NEO1: variants seen among roughly 807,000 people sequenced by gnomAD.
NEO1 encodes the protein neogenin 1.
NEO1 carries 63 observed loss-of-function variants against 159.7 expected under a neutral mutation model. The ratio of observed to expected loss-of-function variants is 0.39; its 90% confidence interval spans 0.32 to 0.49. NEO1 has a LOEUF of 0.49. Ranked by LOEUF, NEO1 falls within the 20% of genes least tolerant of loss-of-function variation. NEO1 has a pLI of 0.85. For synonymous variants in NEO1, 633 were observed against 662.0 expected, an observed-to-expected ratio of 0.96 and a Z score of 0.67; for missense variants, 1,615 against 1,831.0, an observed-to-expected ratio of 0.88 and a Z score of 2.15.
chr15:73,213,284 A>G (rs1167989621), intron 7 of NEO1, among the ~76,000 whole-genome samples: 1 of 151,462 alleles, frequency 6.6e-6, no homozygotes, highest in Non-Finnish European at 1.5e-5. Flanking sequence ...ATTTATTTTC[A>G]TTTTTCCGTA....
intron 7 of NEO1, among the ~76,000 whole-genome samples, chr15:73,215,294 G>A (rs1194934679): frequency 6.6e-6 from 1 of 151,824 alleles, no homozygotes. Context: ...GATTTCTCTG[G>A]CTAGGACTTT....
intron 7 of NEO1, among the ~76,000 whole-genome samples, chr15:73,207,788 A>G (rs959933594): frequency 2.0e-5 from 3 of 152,108 alleles, no homozygotes; most frequent in African/African-American, 7.2e-5. Context: ...TAACTTCTTT[A>G]ATTTATAAAT....
At chr15:73,128,196 C>G (rs2151696345) in intron 4 of NEO1, among the ~76,000 whole-genome samples, 1 of 151,946 alleles carries the variant, frequency 6.6e-6, no homozygotes, top group South Asian at 2.1e-4. Context: ...TTCCACTCCT[C>G]TTTCCAGCTA....
intron 1 of NEO1, among the ~76,000 whole-genome samples, chr15:73,098,983 T>C (rs953874287): frequency 3.3e-5 from 5 of 152,184 alleles, no homozygotes; most frequent in Non-Finnish European, 7.4e-5. Flanking sequence ...TTTCTTTTAT[T>C]ATGAAGTTGA....
At chr15:73,188,194 T>C (rs1401420498) in intron 7 of NEO1, among the ~76,000 whole-genome samples, 1 of 151,752 alleles carries the variant, frequency 6.6e-6, no homozygotes, top group Non-Finnish European at 1.5e-5. Flanking sequence ...GATTAAAAGG[T>C]GAGTTTAGTA....
chr15:73,133,447 T>A (rs970745040), intron 4 of NEO1, among the ~76,000 whole-genome samples: 3 of 152,158 alleles, frequency 2.0e-5, no homozygotes, highest in African/African-American at 7.2e-5. Flanking sequence ...TTGGGTGCAG[T>A]GTACACTGTT....
At chr15:73,244,293 C>A (rs780674423) in intron 8 of NEO1, 51 bp from the exon 9 acceptor site, 165 of 1,559,854 alleles carry the variant, frequency 1.1e-4, no homozygotes, top group Non-Finnish European at 1.4e-4. Context: ...ACTGTACATT[C>A]TGGAAGTATT....
intron 23 of NEO1, among the ~76,000 whole-genome samples, chr15:73,283,905 G>C (rs918321830): frequency 1.3e-5 from 2 of 151,562 alleles, no homozygotes; most frequent in African/African-American, 4.9e-5. Context: ...CAAGTGTAGA[G>C]TTGGGGGTGG....
intron 7 of NEO1, among the ~76,000 whole-genome samples, chr15:73,179,731 A>C (rs958652227): frequency 4.6e-5 from 7 of 152,188 alleles, no homozygotes; most frequent in African/African-American, 1.7e-4. Context: ...ACTGGTACAC[A>C]CTTCAAATCC....
intron 1 of NEO1, among the ~76,000 whole-genome samples, chr15:73,087,385 A>G (rs2069423299): frequency 6.6e-6 from 1 of 152,168 alleles, no homozygotes; most frequent in African/African-American, 2.4e-5. Context: ...TATTTATTAT[A>G]TGTAACTGGA....
At chr15:73,225,177 C>T (rs746320169) in intron 7 of NEO1, among the ~76,000 whole-genome samples, 4 of 152,092 alleles carry the variant, frequency 2.6e-5, no homozygotes, top group Non-Finnish European at 4.4e-5. Flanking sequence ...TTCTCAGCTG[C>T]GGATACCAGC....
chr15:73,148,558 G>A (rs986119060), intron 5 of NEO1, among the ~76,000 whole-genome samples: 5 of 152,060 alleles, frequency 3.3e-5, no homozygotes, highest in African/African-American at 1.2e-4. Context: ...AACTGTTAAG[G>A]GTGTATTGAT....
chr15:73,178,308 A>G lies in NEO1; in HGVS notation c.1172A>G (p.Lys391Arg), dbSNP rs780997332. ...VIPSDYFKIV[K>R]EHNLQVLGLV... ...TTTATTTATGCTTTTCTTCTTCAGA[A>G]GGAACATAATCTTCAAGTTTTGGGT... is the stretch of plus-strand genomic sequence containing the variant. Residue 391 changes from lysine to arginine, a missense_variant and splice_region_variant, in exon 7 of 29, where the codon AAG (lysine) becomes AGG (arginine). Transcript: ENST00000261908. The G allele has an allele frequency of 1.2e-6, 2 of 1,611,142 alleles. No homozygotes were observed. Among genetic ancestry groups the G allele is most frequent in the Non-Finnish European group, 1.7e-6 (2 of 1,178,162 alleles).
intron 11 of NEO1, among the ~76,000 whole-genome samples, chr15:73,252,824 T>G (rs2040146277): frequency 1.3e-5 from 2 of 152,062 alleles, no homozygotes; most frequent in Non-Finnish European, 2.9e-5. Flanking sequence ...ACCCCGTCTC[T>G]ACTAAAAATA....
intron 1 of NEO1, among the ~76,000 whole-genome samples, chr15:73,102,246 G>T (rs948384435): frequency 2.0e-5 from 3 of 151,858 alleles, no homozygotes; most frequent in African/African-American, 7.2e-5. Context: ...CATGCCTGTA[G>T]TCACAGCTAT....
At chr15:73,097,122 T>C (rs890102850) in intron 1 of NEO1, among the ~76,000 whole-genome samples, 1 of 151,938 alleles carries the variant, frequency 6.6e-6, no homozygotes, top group Non-Finnish European at 1.5e-5. Flanking sequence ...CGAGACCCTG[T>C]CTCAAAAAAA....
intron 5 of NEO1, 125 bp from the exon 6 acceptor site, chr15:73,176,278 A>G: frequency 1.9e-6 from 1 of 525,652 alleles, no homozygotes; most frequent in South Asian, 7.7e-5. Flanking sequence ...TTTTGCAAAA[A>G]TATGTGAAAG....
chr15:73,295,147 A>ATATATATATATATAT (rs1238740275), intron 26 of NEO1, among the ~76,000 whole-genome samples: 1,770 of 100,194 alleles, frequency 0.018, 54 homozygotes, highest in Middle Eastern at 0.037. Context: ...TATATATGTA[A>ATATATATATATATAT]AAATTTGGCC....
intron 9 of NEO1, among the ~76,000 whole-genome samples, chr15:73,248,436 A>G (rs1052704274): frequency 6.6e-6 from 1 of 152,138 alleles, no homozygotes; most frequent in Non-Finnish European, 1.5e-5. Flanking sequence ...GTTTCAACCA[A>G]GCTGAACCAC....
Sources: allele counts gnomAD v4.1 joint callset (sites outside exome capture counted in the v4.1 genomes callset), GRCh38; gene constraint gnomAD v4.1.1; transcripts MANE v1.5; gene names NCBI Gene and HGNC (gene_info 2026-07-23, HGNC 2026-07-21).